The following CCDC91 variants were observed in gnomAD, a reference collection of about 807,000 sequenced individuals.
The protein encoded by CCDC91 is coiled-coil domain-containing protein 91.
In CCDC91, 48 loss-of-function variants were observed where a neutral mutation model predicts 63.2. That is an observed-to-expected ratio of 0.76 (90% confidence interval 0.60 to 0.97). The LOEUF (loss-of-function observed/expected upper bound fraction) is 0.97, where lower values mean the gene tolerates loss of function less well. Ranked by LOEUF, CCDC91 falls within the 50% of genes least tolerant of loss-of-function variation. The probability of loss-of-function intolerance (pLI) is 0.00; values close to 1 mark genes in which losing one functional copy is unlikely to be tolerated. For synonymous variants in CCDC91, 167 were observed against 165.8 expected (o/e 1.01, Z -0.06); for missense variants, 500 against 494.6 (o/e 1.01, Z -0.10).
chr12:28,216,891 T>A (rs1293815969), intron 1 of CCDC91, among the ~76,000 whole-genome samples: 1 of 152,120 alleles, frequency 6.6e-6, no homozygotes, highest in Admixed American at 6.6e-5. Flanking sequence ...CTTGTAATGA[T>A]GGTAAAGGAA....
At chr12:28,438,263 G>A (rs1398314142) in intron 8 of CCDC91, among the ~76,000 whole-genome samples, 2 of 152,052 alleles carry the variant, frequency 1.3e-5, no homozygotes. Context: ...AGTTGATTAG[G>A]TCATGAGGGC....
At chr12:28,253,394 A>G (rs1375860643) in intron 1 of CCDC91, among the ~76,000 whole-genome samples, 1 of 152,172 alleles carries the variant, frequency 6.6e-6, no homozygotes, top group Non-Finnish European at 1.5e-5. Flanking sequence ...TCCTGCCTGG[A>G]GACCCTCAGC....
chr12:28,216,455 A>T lies in CCDC91; in HGVS notation c.-15+25814A>T, dbSNP rs184303017. 1.0e-3 allele frequency among the ~76,000 whole-genome samples: 154 copies of T among 152,138 alleles called. 1 individual carries two copies. The highest frequency in any genetic ancestry group is 3.3e-3 in the African/African-American group (139 of 41,546). ...CTCAAAAATATCACAGAATTCAGTT[A>T]TGCTACCGAGAAAGTTGTGCCATCT... On this transcript the variant is annotated intron_variant, in intron 1 of 12. Coordinates refer to ENST00000536442, the MANE Select transcript of CCDC91 (RefSeq NM_018318.5).
intron 6 of CCDC91, among the ~76,000 whole-genome samples, chr12:28,356,401 T>G (rs1055591905): frequency 1.3e-5 from 2 of 152,186 alleles, no homozygotes; most frequent in African/African-American, 4.8e-5. Context: ...CTCTGGCATT[T>G]ATAATTAGGC....
intron 6 of CCDC91, among the ~76,000 whole-genome samples, chr12:28,352,042 AT>A (rs1454462333): frequency 1.3e-5 from 2 of 152,168 alleles, no homozygotes; most frequent in South Asian, 2.1e-4. Flanking sequence ...AGTAAGATGA[AT>A]TTTTTTGTTT....
chr12:28,509,875 T>C (rs1939179787), intron 12 of CCDC91, among the ~76,000 whole-genome samples: 1 of 151,942 alleles, frequency 6.6e-6, no homozygotes, highest in African/African-American at 2.4e-5. Context: ...AAGGGAATAT[T>C]ATTTTCCCAT....
At chr12:28,238,015 T>A (rs1945080436) in intron 1 of CCDC91, among the ~76,000 whole-genome samples, 1 of 152,196 alleles carries the variant, frequency 6.6e-6, no homozygotes, top group East Asian at 1.9e-4. Flanking sequence ...CCCTTTTTTG[T>A]TTTCTGTATC....
intron 11 of CCDC91, among the ~76,000 whole-genome samples, chr12:28,468,548 A>C (rs779241583): frequency 6.6e-6 from 1 of 152,024 alleles, no homozygotes; most frequent in Non-Finnish European, 1.5e-5. Context: ...TTCTCAAACT[A>C]TTCCAATTAA....
At chr12:28,527,335 G>A (rs193190837) in intron 12 of CCDC91, among the ~76,000 whole-genome samples, 3 of 152,300 alleles carry the variant, frequency 2.0e-5, no homozygotes, top group Admixed American at 2.0e-4. Context: ...TAGGGATGGG[G>A]GTTCCCGAGA....
At chr12:28,305,840 A>T (rs747374951) in intron 4 of CCDC91, 34 bp downstream of exon 4, 16 of 1,537,956 alleles carry the variant, frequency 1.0e-5, no homozygotes, top group Middle Eastern at 3.5e-4. Flanking sequence ...GGAGGTTTGC[A>T]TATTTAAAAA....
intron 12 of CCDC91, among the ~76,000 whole-genome samples, chr12:28,540,778 T>G (rs1192109867): frequency 5.3e-5 from 8 of 152,168 alleles, no homozygotes; most frequent in Non-Finnish European, 1.2e-4. Flanking sequence ...TTGTGGCTTC[T>G]GTCTTGAGTG....
chr12:28,544,082 A>G (rs201400107), intron 12 of CCDC91, among the ~76,000 whole-genome samples: 1 of 133,116 alleles, frequency 7.5e-6, no homozygotes, highest in African/African-American at 2.8e-5. Context: ...TTTTCAAACA[A>G]AGCATGGTCA....
chr12:28,362,706 T>C (rs1943984459), intron 7 of CCDC91, among the ~76,000 whole-genome samples, 191 bp downstream of exon 7: 1 of 152,198 alleles, frequency 6.6e-6, no homozygotes, highest in Non-Finnish European at 1.5e-5. Context: ...TTAGACACTG[T>C]TCTGAATTTG....
At chr12:28,481,479 T>G (rs1335310990) in intron 11 of CCDC91, among the ~76,000 whole-genome samples, 1 of 152,044 alleles carries the variant, frequency 6.6e-6, no homozygotes, top group African/African-American at 2.4e-5. Context: ...CAACTCTTCA[T>G]TCCTTGCAAG....
chr12:28,305,362 C>T (rs1938599291), intron 3 of CCDC91, among the ~76,000 whole-genome samples: 1 of 151,890 alleles, frequency 6.6e-6, no homozygotes, highest in African/African-American at 2.4e-5. Context: ...GAAATGTACT[C>T]CTTATGGCAC....
chr12:28,196,126 A>G (rs1293179097), intron 1 of CCDC91, among the ~76,000 whole-genome samples: 3 of 151,536 alleles, frequency 2.0e-5, no homozygotes, highest in Non-Finnish European at 4.4e-5. Context: ...AAATGAAACA[A>G]CCTTTCTACG....
chr12:28,406,207 A>T (rs1205099362), intron 8 of CCDC91, among the ~76,000 whole-genome samples: 1 of 152,022 alleles, frequency 6.6e-6, no homozygotes, highest in African/African-American at 2.4e-5. Flanking sequence ...TATTAAGCCC[A>T]GCATCCATTA....
intron 3 of CCDC91, among the ~76,000 whole-genome samples, chr12:28,276,038 A>G (rs1185856564): frequency 6.6e-6 from 1 of 152,114 alleles, no homozygotes; most frequent in Non-Finnish European, 1.5e-5. Flanking sequence ...AAAAACTGGA[A>G]GCATTCCCTT....
chr12:28,297,257 G>A (rs1378784706), intron 3 of CCDC91, among the ~76,000 whole-genome samples: 1 of 151,738 alleles, frequency 6.6e-6, no homozygotes, highest in Non-Finnish European at 1.5e-5. Context: ...TTATGTTTAT[G>A]TAAAATGAAA....
Sources: allele counts gnomAD v4.1 joint callset (sites outside exome capture counted in the v4.1 genomes callset), GRCh38; gene constraint gnomAD v4.1.1; transcripts MANE v1.5; gene names NCBI Gene and HGNC (gene_info 2026-07-23, HGNC 2026-07-21).